UGT1A7: variants seen among roughly 807,000 people sequenced by gnomAD.
UGT1A7 encodes UDP-glucuronosyltransferase 1A7.
Under a neutral mutation model 45.6 loss-of-function variants are expected in UGT1A7, and 33 were observed. The observed-to-expected ratio is 0.72, with a 90% CI of 0.55 to 0.97. The LOEUF (loss-of-function observed/expected upper bound fraction) is 0.97, where lower values mean the gene tolerates loss of function less well. UGT1A7 is among the 50% of genes least tolerant of loss of function. The pLI is 0.00. For synonymous variants in UGT1A7, 274 were observed against 250.6 expected (o/e 1.09, Z -0.88); for missense variants, 684 against 666.2 (o/e 1.03, Z -0.29).
At chr2:233,703,821 T>A (rs553950100) in intron 1 of UGT1A7, among the ~76,000 whole-genome samples, 1 of 152,292 alleles carries the variant, frequency 6.6e-6, no homozygotes, top group African/African-American at 2.4e-5. Context: ...GTCTTTTAAT[T>A]GAGTTGTTTA....
At chr2:233,719,289 T>A in intron 1 of UGT1A7, 1 of 1,614,098 alleles carries the variant, frequency 6.2e-7, no homozygotes, top group African/African-American at 1.3e-5. Flanking sequence ...CGTTAACCTC[T>A]GTGGGGCGGT....
intron 1 of UGT1A7, among the ~76,000 whole-genome samples, chr2:233,718,215 G>A (rs2076640910): frequency 1.3e-5 from 2 of 152,122 alleles, no homozygotes; most frequent in African/African-American, 4.8e-5. Context: ...TATATTGACA[G>A]CCACTTCAGA....
intron 1 of UGT1A7, chr2:233,692,249 A>G (rs992751778): frequency 6.6e-6 from 1 of 152,426 alleles, no homozygotes; most frequent in Admixed American, 6.5e-5. Flanking sequence ...CCATACCCCC[A>G]TATCTTGTTC....
intron 1 of UGT1A7, among the ~76,000 whole-genome samples, chr2:233,710,424 T>C (rs907239119): frequency 2.0e-5 from 3 of 152,248 alleles, no homozygotes; most frequent in African/African-American, 7.2e-5. Flanking sequence ...GTGCTAAGAC[T>C]TGCTATTTTT....
At chr2:233,716,354 T>C (rs1201457600) in intron 1 of UGT1A7, among the ~76,000 whole-genome samples, 6 of 152,254 alleles carry the variant, frequency 3.9e-5, no homozygotes, top group Admixed American at 2.6e-4. Context: ...ACAATGTAGA[T>C]ACTTTGTGGG....
At chr2:233,739,410 G>A (rs1691084493) in intron 1 of UGT1A7, among the ~76,000 whole-genome samples, 1 of 152,204 alleles carries the variant, frequency 6.6e-6, no homozygotes, top group Non-Finnish European at 1.5e-5. Flanking sequence ...GCCACCCTCT[G>A]AAAGCAGCCA....
chr2:233,739,208 T>A lies in UGT1A7; in HGVS notation c.856-27826T>A, dbSNP rs185605986. 2.6e-3 allele frequency among the ~76,000 whole-genome samples: 389 copies of A among 152,338 alleles called. 3 individuals are homozygous for A. Among genetic ancestry groups the A allele is most frequent in the Non-Finnish European group, 3.9e-3 (262 of 68,030 alleles). On this transcript the variant is annotated intron_variant, in intron 1 of 4. Coordinates refer to ENST00000373426, the MANE Select transcript of UGT1A7 (RefSeq NM_019077.3). ...GATGTCCAGGCAGACGTTTGCTGCA[T>A]GGATAGAGTCCTTATAGAGAACCTC...
At chr2:233,765,991 C>G (rs939830697) in intron 1 of UGT1A7, among the ~76,000 whole-genome samples, 2 of 152,166 alleles carry the variant, frequency 1.3e-5, no homozygotes, top group Middle Eastern at 3.4e-3. Flanking sequence ...TCCTGAAGCT[C>G]CAGTGGGCGT....
At chr2:233,728,928 C>G (rs545859432) in intron 1 of UGT1A7, among the ~76,000 whole-genome samples, 4,928 of 152,196 alleles carry the variant, frequency 0.032, 259 homozygotes, top group African/African-American at 0.11. Context: ...TAGTCATGAT[C>G]GGTCTTTTCC....
chr2:233,706,539 T>G (rs1295467367), intron 1 of UGT1A7, among the ~76,000 whole-genome samples: 2 of 152,120 alleles, frequency 1.3e-5, no homozygotes, highest in Non-Finnish European at 2.9e-5. Context: ...AAACACAGCT[T>G]TTTTTCTAGG....
chr2:233,716,263 C>T (rs188566072), intron 1 of UGT1A7, among the ~76,000 whole-genome samples: 1 of 152,170 alleles, frequency 6.6e-6, no homozygotes, highest in Admixed American at 6.5e-5. Flanking sequence ...CATAATCTCC[C>T]CATGTCAAAA....
At position 233,693,383 on chromosome 2, in the gene UGT1A7, C is replaced by G. The variant is rs201638322; in HGVS notation, c.855+10591C>G. On this transcript the variant is annotated intron_variant, in intron 1 of 4. Transcript: ENST00000373426. ...TATTGGCCTGTACTTCATCAACTGC[C>G]AGAGCCTCCTGCAGGACAGGGACAC... 12 of 1,614,036 alleles carry G rather than the reference C, an allele frequency of 7.4e-6. No homozygotes were observed. The African/African-American group carries it at 1.2e-4, about 16-fold the overall frequency.
At chr2:233,712,978 T>A (rs2076265993) in intron 1 of UGT1A7, 1 of 1,613,140 alleles carries the variant, frequency 6.2e-7, no homozygotes, top group Admixed American at 1.7e-5. Flanking sequence ...CAGCTGTCGG[T>A]GGCTTCTGCT....
chr2:233,711,220 T>A (rs2885295), intron 1 of UGT1A7, among the ~76,000 whole-genome samples: 15,497 of 152,242 alleles, frequency 0.1, 901 homozygotes, highest in South Asian at 0.2. Context: ...AGTGCTCCCA[T>A]GTCGCTGAAG....
chr2:233,739,559 G>T (rs1322307786), intron 1 of UGT1A7, among the ~76,000 whole-genome samples: 1 of 152,224 alleles, frequency 6.6e-6, no homozygotes, highest in Non-Finnish European at 1.5e-5. Flanking sequence ...TTTAATGACT[G>T]CCCTGCCTGG....
rs371183955 is a variant in UGT1A7, at chr2:233,772,416, C to T, written c.1450C>T (p.His484Tyr). 1.7e-5 allele frequency: 28 copies of T among 1,614,228 alleles called. 1 individual carries two copies. The East Asian group carries it at 2.5e-4, about 14-fold the overall frequency. ...AAHDLTWYQY[H>Y]SLDVIGFLLA... ...CCACGACCTCACCTGGTACCAGTAC[C>T]ATTCCTTGGACGTGATTGGTTTCCT... Residue 484 changes from histidine to tyrosine, a missense_variant, in exon 5 of 5, where the codon CAT becomes TAT. Transcript: ENST00000373426.
intron 1 of UGT1A7, chr2:233,743,951 A>G (rs1692602468): frequency 1.4e-5 from 19 of 1,344,342 alleles, no homozygotes; most frequent in Non-Finnish European, 1.9e-5. Context: ...AGGCACTGGC[A>G]CAGCGAGCGG....
At chr2:233,728,976 T>C in intron 1 of UGT1A7, 1 of 1,491,464 alleles carries the variant, frequency 6.7e-7, no homozygotes, top group Non-Finnish European at 9.0e-7. Context: ...GATAGATTAA[T>C]GGTTAATAAT....
chr2:233,698,867 T>C (rs2075466274), intron 1 of UGT1A7, among the ~76,000 whole-genome samples: 1 of 152,248 alleles, frequency 6.6e-6, no homozygotes. Context: ...GGTGTGACTT[T>C]GCGACTTTGA....
Sources: gnomAD v4.1 joint callset for allele counts (sites outside exome capture counted in the v4.1 genomes callset) on GRCh38, gnomAD v4.1.1 for gene constraint, MANE v1.5 for transcripts, NCBI Gene and HGNC (gene_info 2026-07-23, HGNC 2026-07-21) for gene names.